RBFOX1: variants seen among roughly 807,000 people sequenced by gnomAD.
RBFOX1 encodes RNA binding fox-1 homolog 1, also known as RNA binding protein fox-1 homolog 1.
Under a neutral mutation model 57.7 loss-of-function variants are expected in RBFOX1, and 8 were observed. That is an observed-to-expected ratio of 0.14 (90% CI 0.08 to 0.25). The LOEUF is 0.25. Among genes scored for constraint, RBFOX1 ranks in the 10% least tolerant of loss-of-function variants. RBFOX1 has a pLI of 1.00. For synonymous variants in RBFOX1, 326 were observed against 222.4 expected (o/e 1.47, Z -4.15); for missense variants, 611 against 548.5 (o/e 1.11, Z -1.14).
At chr16:6,596,347 G>T (rs1490065200) in intron 2 of RBFOX1, among the ~76,000 whole-genome samples, 1 of 152,116 alleles carries the variant, frequency 6.6e-6, no homozygotes, top group Non-Finnish European at 1.5e-5. Context: ...AGTTACCCCA[G>T]CACCATTCAT....
intron 3 of RBFOX1, among the ~76,000 whole-genome samples, chr16:5,778,910 G>A (rs1310238212): frequency 1.3e-5 from 2 of 152,062 alleles, no homozygotes; most frequent in Non-Finnish European, 2.9e-5. Context: ...CGAAATACAT[G>A]TTTATGTGTC....
intron 4 of RBFOX1, among the ~76,000 whole-genome samples, chr16:7,352,959 G>C (rs968401373): frequency 2.0e-5 from 3 of 152,074 alleles, no homozygotes; most frequent in African/African-American, 7.2e-5. Flanking sequence ...TCAGTGATCT[G>C]CTTGGCTTGG....
chr16:7,293,280 A>G (rs897452881), intron 4 of RBFOX1, among the ~76,000 whole-genome samples: 2 of 152,170 alleles, frequency 1.3e-5, no homozygotes, highest in African/African-American at 4.8e-5. Flanking sequence ...GTATTAGTAA[A>G]CCTAGAAGAT....
Position 6,879,533 on chromosome 16 carries a change from A to G in RBFOX1, c.-15-172524A>G, listed in dbSNP as rs143691836. On this transcript the variant is annotated intron_variant, in intron 3 of 15. Coordinates refer to ENST00000550418, the MANE Select transcript of RBFOX1 (RefSeq NM_018723.4). ...ACTTACTTGCTACAAAGTTAGGTTA[A>G]TGAGATTATTCACTATACAGGTAGA... Among the ~76,000 whole-genome samples the G allele has an allele frequency of 4.9e-3, 747 of 152,330 alleles. 5 individuals carry two copies. Among genetic ancestry groups the G allele is most frequent in the Non-Finnish European group, 7.4e-3 (501 of 68,020 alleles).
At chr16:7,621,507 C>T (rs1423510631) in intron 10 of RBFOX1, among the ~76,000 whole-genome samples, 1 of 152,148 alleles carries the variant, frequency 6.6e-6, no homozygotes, top group African/African-American at 2.4e-5. Flanking sequence ...AGTGATCCTC[C>T]TGCCTTGGCT....
chr16:7,395,730 A>T (rs1327488884), intron 4 of RBFOX1, among the ~76,000 whole-genome samples: 3 of 152,220 alleles, frequency 2.0e-5, no homozygotes, highest in African/African-American at 7.2e-5. Context: ...CCAAGGGACA[A>T]ATACATTTCT....
intron 3 of RBFOX1, among the ~76,000 whole-genome samples, chr16:6,978,917 C>T (rs1000773110): frequency 5.9e-5 from 9 of 152,292 alleles, no homozygotes; most frequent in South Asian, 2.1e-4. Context: ...TGGAAGGGCA[C>T]AGAGGCCTGG....
chr16:6,622,430 G>A (rs980898512), intron 2 of RBFOX1, among the ~76,000 whole-genome samples: 5 of 152,130 alleles, frequency 3.3e-5, no homozygotes, highest in African/African-American at 9.7e-5. Context: ...ACAGTAACAA[G>A]CTGTACAGGC....
At chr16:7,229,219 A>T (rs1286464334) in intron 4 of RBFOX1, among the ~76,000 whole-genome samples, 2 of 152,352 alleles carry the variant, frequency 1.3e-5, no homozygotes, top group African/African-American at 4.8e-5. Flanking sequence ...GCAGTGTCCC[A>T]GTGATGCATT....
intron 4 of RBFOX1, among the ~76,000 whole-genome samples, chr16:5,920,879 C>G (rs765101670): frequency 7.9e-6 from 1 of 126,698 alleles, no homozygotes; most frequent in East Asian, 2.5e-4. Context: ...AAAGCACAGA[C>G]ACTTCCTGCC....
intron 14 of RBFOX1, among the ~76,000 whole-genome samples, chr16:7,697,520 CATGT>C (rs1350411066): frequency 4.7e-5 from 1 of 21,346 alleles, no homozygotes; most frequent in Non-Finnish European, 1.2e-4. Flanking sequence ...TACATACATG[CATGT>C]ATATGTATAA....
chr16:6,694,612 T>A (rs1275364345), intron 3 of RBFOX1, among the ~76,000 whole-genome samples: 1 of 152,162 alleles, frequency 6.6e-6, no homozygotes, highest in Non-Finnish European at 1.5e-5. Flanking sequence ...ATGTTTGCCA[T>A]CCCAAAGTTC....
At chr16:6,804,717 C>T (rs185089255) in intron 3 of RBFOX1, among the ~76,000 whole-genome samples, 3 of 152,216 alleles carry the variant, frequency 2.0e-5, no homozygotes, top group African/African-American at 7.2e-5. Flanking sequence ...TGGGGCAGAA[C>T]AGGGTACTGT....
At chr16:6,880,961 C>T (rs2062814283) in intron 3 of RBFOX1, among the ~76,000 whole-genome samples, 1 of 152,110 alleles carries the variant, frequency 6.6e-6, no homozygotes, top group Non-Finnish European at 1.5e-5. Context: ...AATCTAATAA[C>T]AGTTTTTCAA....
chr16:6,215,410 G>A (rs1452486371), intron 1 of RBFOX1, among the ~76,000 whole-genome samples: 1 of 144,402 alleles, frequency 6.9e-6, no homozygotes, highest in African/African-American at 2.6e-5. Flanking sequence ...CAGGCAGAGA[G>A]GGAGGAGGAG....
At chr16:7,117,635 T>A (rs2066199605) in intron 4 of RBFOX1, among the ~76,000 whole-genome samples, 1 of 152,228 alleles carries the variant, frequency 6.6e-6, no homozygotes, top group Non-Finnish European at 1.5e-5. Context: ...AGAATCAGGT[T>A]AGGTTTTTAC....
At position 7,376,475 on chromosome 16, in the gene RBFOX1, G is replaced by C. The variant is rs1325090658; in HGVS notation, c.28-141672G>C. Among the ~76,000 whole-genome samples the C allele has an allele frequency of 2.6e-5, 4 of 152,296 alleles. No individual in the cohort carries two copies. In the East Asian group the frequency reaches 7.7e-4, roughly 29 times the overall value. ...TTTTTGCCTGAGGTCAAACATGCTG[G>C]GAGAAAGATTAGAAGTTGGTGAGTG... On this transcript the variant is annotated intron_variant, in intron 4 of 15. Coordinates refer to ENST00000550418, the MANE Select transcript of RBFOX1 (RefSeq NM_018723.4).
chr16:6,056,323 T>C (rs1344528819), intron 1 of RBFOX1, among the ~76,000 whole-genome samples: 1 of 152,200 alleles, frequency 6.6e-6, no homozygotes, highest in Admixed American at 6.5e-5. Context: ...TTTTGGAATC[T>C]GGTAAGCAAA....
intron 4 of RBFOX1, among the ~76,000 whole-genome samples, chr16:7,302,627 T>C (rs796689433): frequency 1.4e-4 from 21 of 145,842 alleles, no homozygotes; most frequent in African/African-American, 5.5e-4. Context: ...TCTCTTGGTC[T>C]GAAAACAAAA....
Sources: allele counts gnomAD v4.1 joint callset (sites outside exome capture counted in the v4.1 genomes callset), GRCh38; gene constraint gnomAD v4.1.1; transcripts MANE v1.5; gene names NCBI Gene and HGNC (gene_info 2026-07-23, HGNC 2026-07-21).